The following KIAA1755 variants were observed in gnomAD, a reference collection of about 807,000 sequenced individuals.
KIAA1755 encodes the protein KIAA1755, also known as uncharacterized protein KIAA1755.
KIAA1755 carries 68 observed loss-of-function variants against 91.7 expected under a neutral mutation model. The observed-to-expected ratio is 0.74, with a 90% confidence interval of 0.61 to 0.91. The LOEUF (loss-of-function observed/expected upper bound fraction) is 0.91, where lower values mean the gene tolerates loss of function less well. Ranked by LOEUF, KIAA1755 falls within the 40% of genes least tolerant of loss-of-function variation. The pLI, the probability that KIAA1755 is intolerant of heterozygous loss-of-function variation, is 0.00. For missense variants in KIAA1755, 1,535 were observed against 1,494.4 expected (o/e 1.03, Z -0.45); for synonymous variants, 610 against 604.6 (o/e 1.01, Z -0.13).
chr20:38,246,488 G>A (rs2076163215), intron 1 of KIAA1755, among the ~76,000 whole-genome samples: 1 of 152,202 alleles, frequency 6.6e-6, no homozygotes. Flanking sequence ...AGGGTCAAAG[G>A]GAAAGAGGAT....
chr20:38,214,245 C>T (rs1479214747), intron 13 of KIAA1755, among the ~76,000 whole-genome samples: 1 of 152,200 alleles, frequency 6.6e-6, no homozygotes, highest in Non-Finnish European at 1.5e-5. Context: ...CCCACTGCGC[C>T]CAGCCCATCA....
rs777365134 is a variant in KIAA1755 at position 38,218,376 on chromosome 20, G to A, written c.2557-10C>T. ...CCATCCAGTCGCTGACCTGGGGCAG[G>A]AGAGGCAGATTTGGACATGAGGGGC... On this transcript the variant is annotated splice_polypyrimidine_tract_variant and intron_variant, in intron 11 of 13. Coordinates refer to ENST00000279024, the MANE Select transcript of KIAA1755 (RefSeq NM_001029864.2). 3 of 1,613,846 alleles carry A rather than the reference G, an allele frequency of 1.9e-6. No homozygotes were observed. Among genetic ancestry groups the A allele is most frequent in the South Asian group, 2.2e-5 (2 of 91,076 alleles).
chr20:38,238,528 T>C (rs922777760), intron 4 of KIAA1755, among the ~76,000 whole-genome samples: 1 of 152,180 alleles, frequency 6.6e-6, no homozygotes, highest in Non-Finnish European at 1.5e-5. Flanking sequence ...CGTTACTTCC[T>C]CCGGGAAGTC....
Position 38,219,611 on chromosome 20 carries a change from A to G in KIAA1755, c.2556+19T>C, listed in dbSNP as rs1478312324. 3.1e-6 allele frequency: 5 copies of G among 1,613,488 alleles called. No individual in the cohort carries two copies. The highest frequency in any genetic ancestry group is 3.4e-6 in the Non-Finnish European group (4 of 1,179,898). ...GGCCAGGCAGAACCCCCACACCCCA[A>G]GCCAGACACCCCTTTCACCTGGTGA... is the stretch of plus-strand genomic sequence containing the variant. On this transcript the variant is annotated intron_variant, in intron 11 of 13. Transcript: ENST00000279024.
chr20:38,213,230 C>G lies in KIAA1755; in HGVS notation c.3415G>C (p.Gly1139Arg). ...TCAGGCAGCTTGTGGGAGCCTTTGC[C>G]GTCTTCAGCCTCTGCAGCCTGGCCA... The part of the protein sequence containing the change: ...EAGQAAEAED[G>R]KGSHKLPDPA... Residue 1139 changes from glycine to arginine, a missense_variant, in exon 14 of 14, where the codon GGC becomes CGC. Gly to Arg is a moderately radical substitution (Grantham distance 125). Coordinates refer to ENST00000279024, the MANE Select transcript of KIAA1755 (RefSeq NM_001029864.2). 6.2e-7 allele frequency: 1 copy of G among 1,613,254 alleles called. No homozygotes were observed. Among genetic ancestry groups the G allele is most frequent in the South Asian group, 1.1e-5 (1 of 91,088 alleles).
In KIAA1755 at chr20:38,217,931, T is replaced by A. The variant is rs184826389; in HGVS notation, c.2679+313A>T. ...CAGAGCCTTGTCACATCGCATCACG[T>A]TGATGCAGCTTCCCTGCCCTCCAAC... is the stretch of plus-strand genomic sequence containing the variant. On this transcript the variant is annotated intron_variant, in intron 12 of 13. Coordinates refer to ENST00000279024, the MANE Select transcript of KIAA1755 (RefSeq NM_001029864.2). 1.6e-5 allele frequency: 7 copies of A among 427,678 alleles called. No individual in the cohort carries two copies. In the Admixed American group the frequency reaches 2.2e-4, roughly 14 times the overall value. The allele number at this position is 427,678 out of a possible 1,614,324, so 26.5% of individuals were successfully genotyped here.
At chr20:38,256,180 C>T (rs951245941) in intron 1 of KIAA1755, among the ~76,000 whole-genome samples, 24 of 152,186 alleles carry the variant, frequency 1.6e-4, no homozygotes, top group African/African-American at 5.6e-4. Flanking sequence ...CCTGCTACCA[C>T]GCCAGGCTCC....
At chr20:38,218,467 C>A in intron 11 of KIAA1755, 101 bp from the exon 12 acceptor site, 2 of 1,481,206 alleles carry the variant, frequency 1.4e-6, no homozygotes, top group South Asian at 2.5e-5. Flanking sequence ...TGTCTTCACT[C>A]ATTCAGTGGC....
intron 13 of KIAA1755, among the ~76,000 whole-genome samples, 194 bp from the exon 14 acceptor site, chr20:38,213,937 C>G (rs2075499225): frequency 6.7e-6 from 1 of 149,956 alleles, no homozygotes; most frequent in South Asian, 2.1e-4. Flanking sequence ...CCCAAGCACC[C>G]TTAGAATCAT....
intron 4 of KIAA1755, among the ~76,000 whole-genome samples, chr20:38,237,689 A>C (rs2075982608): frequency 2.0e-5 from 3 of 151,948 alleles, no homozygotes; most frequent in Admixed American, 2.0e-4. Flanking sequence ...TGGTTGAACC[A>C]ATAGGTTCAA....
At chr20:38,259,522 TGTGTGTGTGAGA>T (rs796663895) in intron 1 of KIAA1755, among the ~76,000 whole-genome samples, 27 of 139,410 alleles carry the variant, frequency 1.9e-4, no homozygotes, top group African/African-American at 5.3e-4. Context: ...TGTGTGTGTG[TGTGTGTGTGAGA>T]GAGAGAGAGA....
intron 4 of KIAA1755, among the ~76,000 whole-genome samples, chr20:38,232,618 ACT>A (rs944783152): frequency 6.7e-6 from 1 of 148,290 alleles, no homozygotes; most frequent in Non-Finnish European, 1.5e-5. Context: ...ACAGAGTGAG[ACT>A]CTGTCTCAGA....
intron 11 of KIAA1755, 123 bp downstream of exon 11, chr20:38,219,507 C>T (rs1453539559): frequency 3.7e-6 from 5 of 1,338,186 alleles, no homozygotes; most frequent in Admixed American, 2.1e-5. Flanking sequence ...TTTGAAGGAT[C>T]GCCAGCTTGG....
At chr20:38,216,845 AC>A (rs1265018700) in intron 13 of KIAA1755, 1 of 475,658 alleles carries the variant, frequency 2.1e-6, no homozygotes, top group Non-Finnish European at 4.2e-6. Context: ...CCTCCCAACA[AC>A]CCCTCATCCT....
rs777258695 is a variant in KIAA1755, at chr20:38,231,156, A to G, written c.1871+46T>C. On this transcript the variant is annotated intron_variant, in intron 5 of 13. Transcript: ENST00000279024. The stretch of plus-strand genomic sequence containing the variant: ...GTCTGGTCCAGGGCTCTGGGCCCAG[A>G]GGGTTGAGGTGGGGATGGAGCAGTC... 7 of 1,574,410 alleles carry G rather than the reference A, an allele frequency of 4.4e-6. No individual in the cohort carries two copies. In the African/African-American group the frequency reaches 9.5e-5, roughly 21 times the overall value.
rs1282976952 is a variant in KIAA1755, at chr20:38,210,659, C to T, written c.*2383G>A. 6.6e-6 allele frequency: 1 copy of T among 152,224 alleles called. No individual in the cohort carries two copies. Among genetic ancestry groups the T allele is most frequent in the Non-Finnish European group, 1.5e-5 (1 of 68,054 alleles). The allele number at this position is 152,224 out of a possible 1,614,324, so 9.4% of individuals were successfully genotyped here. A position where few individuals can be genotyped will look rare whatever the true frequency, so the allele number is the denominator to read the frequency against. Reference sequence around the variant, plus strand: ...GATGCACAAGGTAACCTTGGGGACTCCTCCCGCCCAAGTATTCTTAGATTA... The same window carrying T: ...GATGCACAAGGTAACCTTGGGGACTTCTCCCGCCCAAGTATTCTTAGATTA... On this transcript the variant is annotated 3_prime_UTR_variant, in exon 14 of 14. Transcript: ENST00000279024.
chr20:38,238,224 G>A (rs1474684926), intron 4 of KIAA1755, among the ~76,000 whole-genome samples: 1 of 152,188 alleles, frequency 6.6e-6, no homozygotes, highest in Non-Finnish European at 1.5e-5. Context: ...AGAGGATCAT[G>A]AGATCCTTTG....
Position 38,212,086 on chromosome 20 carries a change from C to T in KIAA1755, c.*956G>A, listed in dbSNP as rs1321839661. Reference sequence around the variant, plus strand: ...ATCCCAGCACTTTGGGAGGCTGAGTCCAGAGGATCACTTGAGCTTGAGATC... The same window carrying T: ...ATCCCAGCACTTTGGGAGGCTGAGTTCAGAGGATCACTTGAGCTTGAGATC... On this transcript the variant is annotated 3_prime_UTR_variant, in exon 14 of 14. Coordinates refer to ENST00000279024, the MANE Select transcript of KIAA1755 (RefSeq NM_001029864.2). 6.6e-6 allele frequency: 1 copy of T among 152,244 alleles called. No individual in the cohort carries two copies. Among genetic ancestry groups the T allele is most frequent in the Non-Finnish European group, 1.5e-5 (1 of 68,120 alleles). 9.4% of individuals were successfully genotyped at this position (152,244 alleles called of 1,614,324 possible). A position where few individuals can be genotyped will look rare whatever the true frequency, so the allele number is the denominator to read the frequency against.
At chr20:38,240,485 C>G in intron 3 of KIAA1755, 97 bp downstream of exon 3, 1 of 1,272,142 alleles carries the variant, frequency 7.9e-7, no homozygotes, top group East Asian at 2.6e-5. Flanking sequence ...GCTGAGCCAG[C>G]CCAGGTGGTC....
Sources: allele counts gnomAD v4.1 joint callset (sites outside exome capture counted in the v4.1 genomes callset), GRCh38; gene constraint gnomAD v4.1.1; transcripts MANE v1.5; gene names NCBI Gene and HGNC (gene_info 2026-07-23, HGNC 2026-07-21).